SP100: variants seen among roughly 807,000 people sequenced by gnomAD.
The protein encoded by SP100 is SP100 nuclear body protein.
SP100 carries 84 observed loss-of-function variants against 130.0 expected under a neutral mutation model. The ratio of observed to expected loss-of-function variants is 0.65; its 90% CI spans 0.54 to 0.77. The LOEUF is 0.77. Among genes scored for constraint, SP100 ranks in the 30% least tolerant of loss-of-function variants. SP100 has a pLI of 0.00. For missense variants in SP100, 978 were observed against 1,052.2 expected (o/e 0.93, Z 0.97); for synonymous variants, 331 against 351.7 (o/e 0.94, Z 0.66).
In SP100 at chr2:230,522,973, C is replaced by T. The variant is rs1691247624; in HGVS notation, c.2094+11807C>T. On this transcript the variant is annotated intron_variant, in intron 24 of 28. Coordinates refer to ENST00000340126, the MANE Select transcript of SP100 (RefSeq NM_001080391.2). ...AGGATTACAGGCACCCACCAGCATG[C>T]CCGGCTAATTTTTGTATTTTTAGCA... 2.0e-5 allele frequency among the ~76,000 whole-genome samples: 3 copies of T among 152,006 alleles called. No homozygotes were observed. In the South Asian group the frequency reaches 6.3e-4, roughly 32 times the overall value.
chr2:230,462,178 AG>A (rs1019781993), intron 9 of SP100, among the ~76,000 whole-genome samples: 3 of 152,046 alleles, frequency 2.0e-5, no homozygotes, highest in Non-Finnish European at 2.9e-5. Flanking sequence ...TGAGAGTGAA[AG>A]AAAAAAATAG....
intron 11 of SP100, among the ~76,000 whole-genome samples, chr2:230,465,033 CG>C: frequency 6.6e-6 from 1 of 152,156 alleles, no homozygotes; most frequent in East Asian, 1.9e-4. Context: ...ATTAGGAGTT[CG>C]AGACCATCCT....
At chr2:230,478,000 T>C (rs1357020134) in intron 17 of SP100, among the ~76,000 whole-genome samples, 1 of 152,120 alleles carries the variant, frequency 6.6e-6, no homozygotes, top group Non-Finnish European at 1.5e-5. Context: ...CAGAGACTTT[T>C]ACTCTTTTAT....
At chr2:230,501,470 C>T (rs186880435) in intron 19 of SP100, among the ~76,000 whole-genome samples, 69 of 152,160 alleles carry the variant, frequency 4.5e-4, no homozygotes, top group Middle Eastern at 3.4e-3. Context: ...CCATTTTTAT[C>T]TTGATGAAGT....
intron 24 of SP100, among the ~76,000 whole-genome samples, chr2:230,520,361 A>G (rs2150095432): frequency 6.6e-6 from 1 of 152,334 alleles, no homozygotes; most frequent in Admixed American, 6.5e-5. Flanking sequence ...AAAGCTAAGG[A>G]AAGGTTGTCC....
chr2:230,471,950 A>G (rs2065282090), intron 15 of SP100, among the ~76,000 whole-genome samples: 1 of 152,188 alleles, frequency 6.6e-6, no homozygotes, highest in African/African-American at 2.4e-5. Flanking sequence ...AAAGTTGCTG[A>G]TTGATTGACA....
chr2:230,459,527 A>G (rs1402740771), intron 8 of SP100, among the ~76,000 whole-genome samples: 3 of 152,258 alleles, frequency 2.0e-5, no homozygotes, highest in African/African-American at 4.8e-5. Flanking sequence ...CCCTTCCCCA[A>G]TTGCCTGAAG....
chr2:230,435,519 T>C (rs182089452), intron 2 of SP100, among the ~76,000 whole-genome samples: 3 of 152,372 alleles, frequency 2.0e-5, no homozygotes, highest in East Asian at 3.8e-4. Flanking sequence ...CAGATATTTG[T>C]TCTGTCATTT....
chr2:230,459,154 A>G (rs1404037251), intron 8 of SP100, among the ~76,000 whole-genome samples: 2 of 152,214 alleles, frequency 1.3e-5, no homozygotes, highest in African/African-American at 4.8e-5. Context: ...ATAGAGGGAA[A>G]TAAATACCAA....
At chr2:230,494,322 A>C in intron 17 of SP100, 94 bp from the exon 18 acceptor site, 1 of 1,026,426 alleles carries the variant, frequency 9.7e-7, no homozygotes, top group Non-Finnish European at 1.5e-6. Flanking sequence ...TAGAAGGAAA[A>C]CAAAATTCAA....
At position 230,498,530 on chromosome 2, in the gene SP100, A is replaced by T; in HGVS notation, c.1715A>T (p.Gln572Leu). 1 of 1,404,204 alleles carries T rather than the reference A, an allele frequency of 7.1e-7. No individual in the cohort carries two copies. The highest frequency in any genetic ancestry group is 9.3e-7 in the Non-Finnish European group (1 of 1,072,604). 87.0% of individuals were successfully genotyped at this position (1,404,204 alleles called of 1,614,324 possible). A position where few individuals can be genotyped will look rare whatever the true frequency, so the allele number is the denominator to read the frequency against. ...NNKVQKKRWQ[Q>L]RGRKANTRPL... ...AAAGTCCAAAAGAAAAGATGGCAAC[A>T]AAGAGGTAAAAAAAAAAAAATACAT... Residue 572 changes from glutamine (Q) to leucine (L), a missense_variant, in exon 19 of 29, where the codon CAA becomes CTA. By Grantham distance (113) the Gln-to-Leu change is moderately radical. Transcript: ENST00000340126.
intron 5 of SP100, among the ~76,000 whole-genome samples, chr2:230,448,612 A>T (rs13017297): frequency 0.13 from 19,037 of 152,206 alleles, 1,647 homozygotes; most frequent in Non-Finnish European, 0.19. Flanking sequence ...AGAAAAAAAG[A>T]ATACCAAGAG....
intron 17 of SP100, 39 bp downstream of exon 17, chr2:230,474,486 A>G: frequency 1.1e-6 from 1 of 948,846 alleles, no homozygotes; most frequent in Non-Finnish European, 1.7e-6. Context: ...TTTATGTTAC[A>G]AATGAACTAT....
chr2:230,539,909 AG>A (rs1163033972), intron 25 of SP100, among the ~76,000 whole-genome samples: 1 of 152,164 alleles, frequency 6.6e-6, no homozygotes, highest in Non-Finnish European at 1.5e-5. Context: ...GAGATTGATA[AG>A]GTGCTCTGTG....
Position 230,539,306 on chromosome 2 carries a change from G to A in SP100, c.2134G>A (p.Gly712Arg), listed in dbSNP as rs1692073530. 1.9e-6 allele frequency: 3 copies of A among 1,613,910 alleles called. No homozygotes were observed. The highest frequency in any genetic ancestry group is 2.5e-6 in the Non-Finnish European group (3 of 1,179,860). The change falls in exon 25 of 29, where the codon GGA (glycine) becomes AGA (arginine). Residue 712 changes from glycine (G) to arginine (R), a missense_variant. Transcript: ENST00000340126. ...SNICEVCNKW[G>R]RLFCCDTCPR... ...TATATGTGAGGTGTGCAACAAATGG[G>A]GACGGCTGTTCTGCTGCGACACTTG... is the stretch of plus-strand genomic sequence containing the variant.
At chr2:230,534,993 G>A (rs570798751) in intron 24 of SP100, among the ~76,000 whole-genome samples, 8 of 151,878 alleles carry the variant, frequency 5.3e-5, no homozygotes, top group South Asian at 2.1e-4. Context: ...TCAGGAGTTC[G>A]AGACCACCCT....
rs1284461664 is a variant in SP100 at position 230,450,166 on chromosome 2, C to T, written c.737-6C>T. 1 of 1,609,204 alleles carries T rather than the reference C, an allele frequency of 6.2e-7. No homozygotes were observed. Among genetic ancestry groups the T allele is most frequent in the Non-Finnish European group, 8.5e-7 (1 of 1,175,644 alleles). ...GGATCTCAGCTGTGATCTCGTTTAT[C>T]TCCAGAGTCCTGCGAACAAATTGCT... On this transcript the variant is annotated splice_region_variant and splice_polypyrimidine_tract_variant and intron_variant, in intron 7 of 28. Transcript: ENST00000340126.
At chr2:230,428,909 A>G (rs11689240) in intron 2 of SP100, among the ~76,000 whole-genome samples, 60,911 of 152,082 alleles carry the variant, frequency 0.4, 12,444 homozygotes, top group African/African-American at 0.44. Flanking sequence ...AGCCAACTAT[A>G]TTAATTGCTA....
At chr2:230,506,241 G>C in intron 21 of SP100, 62 bp from the exon 22 acceptor site, 4 of 1,587,312 alleles carry the variant, frequency 2.5e-6, no homozygotes, top group East Asian at 2.2e-5. Flanking sequence ...ACCCCAGCAT[G>C]GGGGGAGGCC....
Sources: gnomAD v4.1 joint callset for allele counts (sites outside exome capture counted in the v4.1 genomes callset) on GRCh38, gnomAD v4.1.1 for gene constraint, MANE v1.5 for transcripts, NCBI Gene and HGNC (gene_info 2026-07-23, HGNC 2026-07-21) for gene names.